The following EYS variants were observed in gnomAD, a reference collection of about 807,000 sequenced individuals.
EYS encodes EGF-like photoreceptor maintenance factor, also known as protein eyes shut homolog.
Under a neutral mutation model 282.1 loss-of-function variants are expected in EYS, and 250 were observed. The observed-to-expected ratio is 0.89, with a 90% CI of 0.80 to 0.98. The LOEUF (loss-of-function observed/expected upper bound fraction) is 0.98. Ranked by LOEUF, EYS falls within the 50% of genes least tolerant of loss-of-function variation. EYS has a pLI of 0.00. For synonymous variants in EYS, 1,355 were observed against 1,282.9 expected (o/e 1.06, Z -1.20); for missense variants, 4,016 against 3,709.0 (o/e 1.08, Z -2.15).
intron 35 of EYS, among the ~76,000 whole-genome samples, chr6:63,943,785 T>C (rs1765309989): frequency 6.6e-6 from 1 of 152,242 alleles, no homozygotes; most frequent in South Asian, 2.1e-4. Context: ...ATTACTATTC[T>C]CTCCATGGAT....
intron 35 of EYS, among the ~76,000 whole-genome samples, chr6:63,976,998 T>C (rs1368536939): frequency 6.6e-6 from 1 of 151,870 alleles, no homozygotes; most frequent in African/African-American, 2.4e-5. Flanking sequence ...CTCTTTTTAA[T>C]TGTACTACAG....
chr6:63,899,324 A>C lies in EYS; in HGVS notation c.7056-34966T>G, dbSNP rs536196284. ...TCACAACATGTTGAATTAATGAAGA[A>C]GATATCCCCAACTAGATCCTCAAGG... On this transcript the variant is annotated intron_variant, in intron 35 of 42. Coordinates refer to ENST00000503581, the MANE Select transcript of EYS (RefSeq NM_001142800.2). Among the ~76,000 whole-genome samples the C allele has an allele frequency of 3.3e-5, 5 of 152,284 alleles. No homozygotes were observed. In the South Asian group the frequency reaches 1.0e-3, roughly 32 times the overall value.
chr6:63,751,855 G>GT (rs1407815500), intron 41 of EYS, among the ~76,000 whole-genome samples: 1 of 152,142 alleles, frequency 6.6e-6, no homozygotes, highest in African/African-American at 2.4e-5. Flanking sequence ...CTACTTAACA[G>GT]TTTAAGTCAT....
chr6:64,754,411 A>T (rs549578014), intron 22 of EYS, among the ~76,000 whole-genome samples: 6 of 152,156 alleles, frequency 3.9e-5, no homozygotes, highest in Non-Finnish European at 8.8e-5. Flanking sequence ...CCAGACATAC[A>T]AGGAGAATTT....
intron 41 of EYS, among the ~76,000 whole-genome samples, chr6:63,747,397 T>C (rs1769237048): frequency 6.6e-6 from 1 of 152,180 alleles, no homozygotes; most frequent in Admixed American, 6.5e-5. Context: ...AAATGCGATG[T>C]GGTGCTGAGA....
chr6:64,049,417 C>G (rs1257311533), intron 33 of EYS, among the ~76,000 whole-genome samples: 1 of 152,166 alleles, frequency 6.6e-6, no homozygotes, highest in Non-Finnish European at 1.5e-5. Flanking sequence ...CTTATCACTA[C>G]AGTTAATATT....
intron 12 of EYS, among the ~76,000 whole-genome samples, chr6:65,083,795 T>A: frequency 6.6e-6 from 1 of 151,900 alleles, no homozygotes; most frequent in East Asian, 1.9e-4. Flanking sequence ...ATCACTTTCA[T>A]AATATACTTT....
intron 12 of EYS, among the ~76,000 whole-genome samples, chr6:65,092,831 G>C (rs971572383): frequency 6.6e-5 from 10 of 152,210 alleles, no homozygotes; most frequent in African/African-American, 2.2e-4. Context: ...AGGTTCTTTT[G>C]AGAAACCATC....
chr6:64,052,654 G>C (rs1431821513), intron 33 of EYS, among the ~76,000 whole-genome samples: 1 of 152,116 alleles, frequency 6.6e-6, no homozygotes, highest in Non-Finnish European at 1.5e-5. Flanking sequence ...GTCTCCACCT[G>C]AATCTCATCC....
intron 12 of EYS, among the ~76,000 whole-genome samples, chr6:65,254,136 T>C (rs1767398508): frequency 6.6e-6 from 1 of 151,882 alleles, no homozygotes. Context: ...GATTTACTTT[T>C]ATCTCTTAGA....
intron 22 of EYS, among the ~76,000 whole-genome samples, chr6:64,749,533 G>A (rs931885503): frequency 3.9e-5 from 6 of 152,052 alleles, no homozygotes; most frequent in Non-Finnish European, 8.8e-5. Context: ...ACATACTTGG[G>A]TTCTTAGTAT....
rs551816698 is a variant in EYS at position 64,452,844 on chromosome 6, A to C, written c.5645-13492T>G. Among the ~76,000 whole-genome samples the C allele has an allele frequency of 7.9e-3, 1,209 of 152,336 alleles. 11 individuals are homozygous for C. The highest frequency in any genetic ancestry group is 0.012 in the Non-Finnish European group (818 of 68,022). On this transcript the variant is annotated intron_variant, in intron 26 of 42. Transcript: ENST00000503581. ...AAACTGGATCCCTTCCTTATACCTT[A>C]TACAAAAATTAATTCAAGATGGATT...
chr6:64,770,088 A>G (rs975614074), intron 22 of EYS, among the ~76,000 whole-genome samples: 5 of 151,880 alleles, frequency 3.3e-5, no homozygotes, highest in African/African-American at 9.7e-5. Flanking sequence ...TTGTCTCTCA[A>G]TCTTTGTTTT....
intron 29 of EYS, among the ~76,000 whole-genome samples, chr6:64,314,821 G>A (rs1769874634): frequency 6.6e-6 from 1 of 152,084 alleles, no homozygotes; most frequent in South Asian, 2.1e-4. Flanking sequence ...GGAGAAAGTA[G>A]GAAAGATCTA....
chr6:64,026,921 A>T (rs1037729748), intron 33 of EYS, among the ~76,000 whole-genome samples: 2 of 152,186 alleles, frequency 1.3e-5, no homozygotes, highest in African/African-American at 4.8e-5. Flanking sequence ...TTTTCAGATG[A>T]TCCTGATAGG....
intron 26 of EYS, among the ~76,000 whole-genome samples, chr6:64,447,203 CTT>C (rs1775145148): frequency 6.6e-6 from 1 of 151,700 alleles, no homozygotes; most frequent in South Asian, 2.1e-4. Context: ...ACTTGTGTCT[CTT>C]TGTGTTATTT....
chr6:64,998,183 T>C (rs1771338955), intron 13 of EYS, among the ~76,000 whole-genome samples: 1 of 152,210 alleles, frequency 6.6e-6, no homozygotes, highest in Non-Finnish European at 1.5e-5. Context: ...ACTTAAGCCT[T>C]AGTTAAAAAG....
chr6:63,722,920 A>C (rs1768461572), intron 42 of EYS, among the ~76,000 whole-genome samples: 2 of 152,322 alleles, frequency 1.3e-5, no homozygotes, highest in Admixed American at 6.5e-5. Flanking sequence ...TGAGTATACT[A>C]TGTCGTTACA....
intron 26 of EYS, among the ~76,000 whole-genome samples, chr6:64,565,837 A>G (rs78223492): frequency 0.03 from 4,589 of 152,070 alleles, 152 homozygotes; most frequent in East Asian, 0.11. Flanking sequence ...TGTGGTAATC[A>G]TTTTATTGTA....
Sources: gnomAD v4.1 joint callset for allele counts (sites outside exome capture counted in the v4.1 genomes callset) on GRCh38, gnomAD v4.1.1 for gene constraint, MANE v1.5 for transcripts, NCBI Gene and HGNC (gene_info 2026-07-23, HGNC 2026-07-21) for gene names.